Variants in NEK11 observed in about 807,000 individuals in gnomAD.
NEK11 encodes the protein NIMA related kinase 11, also known as serine/threonine-protein kinase Nek11.
In NEK11, 72 loss-of-function variants were observed where a neutral mutation model predicts 80.7. That is an observed-to-expected ratio of 0.89 (90% confidence interval 0.74 to 1.08). The LOEUF (loss-of-function observed/expected upper bound fraction) is 1.08. Among genes scored for constraint, NEK11 ranks in the 50% least tolerant of loss-of-function variants. The pLI is 0.00. For synonymous variants in NEK11, 251 were observed against 260.7 expected (o/e 0.96, Z 0.36); for missense variants, 764 against 763.6 (o/e 1.00, Z -0.01).
intron 16 of NEK11, among the ~76,000 whole-genome samples, chr3:131,272,397 G>T (rs1226978698): frequency 6.7e-6 from 1 of 149,400 alleles, no homozygotes; most frequent in African/African-American, 2.5e-5. Context: ...GAGCAGCATA[G>T]GGCCAAATTG....
At chr3:131,209,381 G>A (rs983382147) in intron 14 of NEK11, among the ~76,000 whole-genome samples, 8 of 152,260 alleles carry the variant, frequency 5.3e-5, no homozygotes, top group Middle Eastern at 6.8e-3. Context: ...TGGTTTGCCG[G>A]TATTTTATTG....
chr3:131,273,711 C>T, intron 17 of NEK11, 137 bp downstream of exon 17: 1 of 601,962 alleles, frequency 1.7e-6, no homozygotes, highest in South Asian at 2.2e-5. Flanking sequence ...GCTGTTCCAA[C>T]TTAGAAACTT....
chr3:131,258,145 T>TGGACTCTGA (rs147305151), intron 16 of NEK11, among the ~76,000 whole-genome samples: 1 of 144,500 alleles, frequency 6.9e-6, no homozygotes, highest in Non-Finnish European at 1.5e-5. Context: ...AATGATATAA[T>TGGACTCTGA]GGACTCTGGG....
intron 16 of NEK11, among the ~76,000 whole-genome samples, chr3:131,260,007 T>A (rs546018206): frequency 6.6e-6 from 1 of 152,290 alleles, no homozygotes; most frequent in South Asian, 2.1e-4. Flanking sequence ...AGGAAAAATC[T>A]TCACCAAGTT....
chr3:131,303,393 A>G (rs1274091562), intron 17 of NEK11, among the ~76,000 whole-genome samples: 5 of 152,162 alleles, frequency 3.3e-5, no homozygotes, highest in Admixed American at 1.3e-4. Context: ...GTTATTATAT[A>G]GACTTGATTG....
chr3:131,285,360 G>C (rs2096457695), intron 17 of NEK11, among the ~76,000 whole-genome samples: 3 of 152,190 alleles, frequency 2.0e-5, no homozygotes, highest in Non-Finnish European at 2.9e-5. Context: ...ACTGAAGTTG[G>C]GATGGCCTTG....
At chr3:131,054,338 A>G (rs1039258461) in intron 3 of NEK11, 4 of 152,144 alleles carry the variant, frequency 2.6e-5, no homozygotes, top group African/African-American at 9.7e-5. Context: ...AGAAAAAAAA[A>G]AAGTCAACAT....
chr3:131,209,426 G>T (rs556539971), intron 14 of NEK11, among the ~76,000 whole-genome samples: 69 of 152,288 alleles, frequency 4.5e-4, no homozygotes, highest in Admixed American at 2.4e-3. Context: ...AGGAATATTG[G>T]TCTAAAATTC....
At chr3:131,233,078 C>T (rs1354987589) in intron 15 of NEK11, among the ~76,000 whole-genome samples, 1 of 150,814 alleles carries the variant, frequency 6.6e-6, no homozygotes, top group Non-Finnish European at 1.5e-5. Flanking sequence ...TCTGATAAAA[C>T]CTTGGCAGGC....
At chr3:131,097,617 C>G (rs78311219) in intron 4 of NEK11, among the ~76,000 whole-genome samples, 9 of 151,778 alleles carry the variant, frequency 5.9e-5, no homozygotes. Flanking sequence ...AAGGACCTCT[C>G]CAAGGAGAAC....
At position 131,073,407 on chromosome 3, in the gene NEK11, T is replaced by C. The variant is rs147559169; in HGVS notation, c.171-7016T>C. Among the ~76,000 whole-genome samples the C allele has an allele frequency of 3.2e-3, 494 of 152,344 alleles. 2 individuals carry two copies. Among genetic ancestry groups the C allele is most frequent in the Admixed American group, 7.7e-3 (118 of 15,298 alleles). On this transcript the variant is annotated intron_variant, in intron 3 of 17. Coordinates refer to ENST00000383366, the MANE Select transcript of NEK11 (RefSeq NM_024800.5). ...AAAGTTGTCACCACAAATGGAAATA[T>C]AATCTAGACAGCAGCCAGAAATAGC...
In NEK11 at chr3:131,029,879, G is replaced by C; in HGVS notation, c.170+1G>C. 3.7e-6 allele frequency: 6 copies of C among 1,614,002 alleles called. No individual in the cohort carries two copies. Among genetic ancestry groups the C allele is most frequent in the Non-Finnish European group, 5.1e-6 (6 of 1,179,886 alleles). ...AGAAAGCCAAACGAGGAGAGGAATTGTAAGTAAAAATGCTTCCTATGAATC... is the reference window on the plus strand; with the variant it reads ...AGAAAGCCAAACGAGGAGAGGAATTCTAAGTAAAAATGCTTCCTATGAATC... On this transcript the variant is annotated splice_donor_variant, in intron 3 of 17. Transcript: ENST00000383366. LOFTEE classifies it high-confidence loss of function.
intron 17 of NEK11, among the ~76,000 whole-genome samples, chr3:131,310,078 A>C (rs1456966000): frequency 6.6e-6 from 1 of 151,602 alleles, no homozygotes; most frequent in Non-Finnish European, 1.5e-5. Flanking sequence ...ATCGAAAAAA[A>C]AGACACATGA....
Position 131,047,002 on chromosome 3 carries a change from G to A in NEK11, c.170+17124G>A, listed in dbSNP as rs145810088. On this transcript the variant is annotated intron_variant, in intron 3 of 17. Coordinates refer to ENST00000383366, the MANE Select transcript of NEK11 (RefSeq NM_024800.5). ...TTTTTAAAAAAATTATTTTTTCTTT[G>A]TCTTTTTCAGATTAGATTAATTGGA... 3.2e-3 allele frequency among the ~76,000 whole-genome samples: 485 copies of A among 152,060 alleles called. 16 individuals carry two copies. Among genetic ancestry groups the A allele is most frequent in the Admixed American group, 0.023 (355 of 15,272 alleles).
At chr3:131,116,040 A>C (rs549371449) in intron 5 of NEK11, among the ~76,000 whole-genome samples, 1 of 148,172 alleles carries the variant, frequency 6.7e-6, no homozygotes, top group Non-Finnish European at 1.5e-5. Context: ...GGTTTGTTAC[A>C]TATGTATACA....
intron 17 of NEK11, chr3:131,327,388 G>C (rs995538986): frequency 3.3e-5 from 5 of 152,278 alleles, no homozygotes; most frequent in African/African-American, 1.2e-4. Context: ...CTCTCAATGG[G>C]AGTTGGAGCC....
chr3:131,135,337 C>T (rs2085357437), intron 7 of NEK11, among the ~76,000 whole-genome samples: 1 of 151,986 alleles, frequency 6.6e-6, no homozygotes, highest in South Asian at 2.1e-4. Context: ...TCCAATTCAC[C>T]TATCATCTTC....
rs1038869934 is a variant in NEK11 at position 131,165,602 on chromosome 3, A to G, written c.1176+83A>G. ...GCGATGATTGGGTAGGAAAAGGGAC[A>G]AGGGAGAAAACAAGAACATCCAGAT... is the stretch of plus-strand genomic sequence containing the variant. On this transcript the variant is annotated intron_variant, in intron 12 of 17. Transcript: ENST00000383366. 14 of 805,490 alleles carry G rather than the reference A, an allele frequency of 1.7e-5. No individual in the cohort carries two copies. In the South Asian group the frequency reaches 2.1e-4, roughly 12 times the overall value. 49.9% of individuals were successfully genotyped at this position (805,490 alleles called of 1,614,324 possible). A position where few individuals can be genotyped will look rare whatever the true frequency, so the allele number is the denominator to read the frequency against.
At chr3:131,055,749 GAAATAA>G (rs1397957912) in intron 3 of NEK11, among the ~76,000 whole-genome samples, 3 of 152,098 alleles carry the variant, frequency 2.0e-5, no homozygotes, top group Admixed American at 6.6e-5. Flanking sequence ...TAATCGTCAT[GAAATAA>G]AAATAAGGAA....
Sources: allele counts gnomAD v4.1 joint callset (sites outside exome capture counted in the v4.1 genomes callset), GRCh38; gene constraint gnomAD v4.1.1; transcripts MANE v1.5; gene names NCBI Gene and HGNC (gene_info 2026-07-23, HGNC 2026-07-21).